The following SETBP1 variants were observed in gnomAD, a reference collection of about 807,000 sequenced individuals.
SETBP1 encodes the protein SET-binding protein.
SETBP1 carries 9 observed loss-of-function variants against 101.0 expected under a neutral mutation model. The observed-to-expected ratio is 0.09, with a 90% CI of 0.05 to 0.16. The LOEUF (loss-of-function observed/expected upper bound fraction) is 0.16. SETBP1 is among the 10% of genes least tolerant of loss of function. The pLI, the probability that SETBP1 is intolerant of heterozygous loss-of-function variation, is 1.00. For missense variants in SETBP1, 1,858 were observed against 2,033.8 expected (o/e 0.91, Z 1.66); for synonymous variants, 818 against 788.5 (o/e 1.04, Z -0.63).
chr18:44,982,730 T>A (rs943035846), intron 4 of SETBP1, among the ~76,000 whole-genome samples: 1 of 152,224 alleles, frequency 6.6e-6, no homozygotes, highest in African/African-American at 2.4e-5. Flanking sequence ...TTTCTGCTGG[T>A]TTATGAAGGC....
intron 2 of SETBP1, among the ~76,000 whole-genome samples, chr18:44,848,839 G>A (rs2072786248): frequency 6.6e-6 from 1 of 152,190 alleles, no homozygotes; most frequent in African/African-American, 2.4e-5. Flanking sequence ...CAAGGATGGG[G>A]CCAGAGGTCA....
At chr18:44,891,344 T>C (rs532645108) in intron 3 of SETBP1, among the ~76,000 whole-genome samples, 25 of 152,160 alleles carry the variant, frequency 1.6e-4, no homozygotes, top group Admixed American at 7.9e-4. Context: ...GAAGCACTCA[T>C]ATATTTGATC....
intron 4 of SETBP1, among the ~76,000 whole-genome samples, chr18:44,954,329 T>TAAA (rs5824565): frequency 0.027 from 1,918 of 71,538 alleles, 100 homozygotes; most frequent in African/African-American, 0.097. Context: ...TTGCAGAAGC[T>TAAA]AAAAAAAAAA....
chr18:44,986,992 CATTATT>C (rs1329850674), intron 4 of SETBP1: 1 of 151,656 alleles, frequency 6.6e-6, no homozygotes, highest in South Asian at 2.1e-4. Context: ...CGTTTATTAT[CATTATT>C]AAGTATTATG....
intron 2 of SETBP1, among the ~76,000 whole-genome samples, chr18:44,803,966 A>T (rs1450505487): frequency 6.6e-6 from 1 of 151,848 alleles, no homozygotes. Flanking sequence ...TATTGGAACT[A>T]TTTTTTTTCT....
chr18:44,855,018 C>T (rs1274457251), intron 2 of SETBP1, among the ~76,000 whole-genome samples: 1 of 152,182 alleles, frequency 6.6e-6, no homozygotes, highest in Non-Finnish European at 1.5e-5. Context: ...TTGCTCTTCT[C>T]CCAAATACCA....
intron 4 of SETBP1, among the ~76,000 whole-genome samples, chr18:45,007,994 C>G (rs1262664186): frequency 6.6e-6 from 1 of 152,164 alleles, no homozygotes; most frequent in Non-Finnish European, 1.5e-5. Context: ...TTCTTCAGAG[C>G]TCCTGAGATA....
intron 2 of SETBP1, among the ~76,000 whole-genome samples, chr18:44,792,862 A>G (rs1191762635): frequency 1.3e-5 from 2 of 150,142 alleles, no homozygotes; most frequent in African/African-American, 2.4e-5. Context: ...ATCTAGGAGA[A>G]AAAAAAAAAA....
intron 2 of SETBP1, among the ~76,000 whole-genome samples, chr18:44,724,525 T>C (rs1268111982): frequency 6.6e-6 from 1 of 152,146 alleles, no homozygotes; most frequent in Non-Finnish European, 1.5e-5. Flanking sequence ...ATATGTTAAT[T>C]TTTCTGAGCA....
intron 4 of SETBP1, among the ~76,000 whole-genome samples, chr18:45,025,433 T>G (rs1465475663): frequency 6.6e-6 from 1 of 152,232 alleles, no homozygotes; most frequent in Non-Finnish European, 1.5e-5. Context: ...ATCATGGTAT[T>G]AGCTTGTCTG....
chr18:44,831,208 T>C (rs960875900), intron 2 of SETBP1, among the ~76,000 whole-genome samples: 1 of 152,210 alleles, frequency 6.6e-6, no homozygotes, highest in Non-Finnish European at 1.5e-5. Flanking sequence ...TAGTGTAGCA[T>C]AGACAGTGAG....
chr18:44,775,244 A>C (rs1372069430), intron 2 of SETBP1, among the ~76,000 whole-genome samples: 1 of 152,216 alleles, frequency 6.6e-6, no homozygotes, highest in African/African-American at 2.4e-5. Flanking sequence ...TACACTGACA[A>C]AGTTGAATAA....
At chr18:44,871,525 G>A (rs1392289947) in intron 3 of SETBP1, 1 of 152,206 alleles carries the variant, frequency 6.6e-6, no homozygotes, top group Non-Finnish European at 1.5e-5. Context: ...CTTGAATGTA[G>A]AGGTTTTCTG....
rs2073925873 is a variant in SETBP1 at position 45,063,550 on chromosome 18, C to A, written c.4643C>A (p.Pro1548His). ...CCGCCACCCCCTCTACCCAAGACCC[C>A]CCGAGGCGGAAAGAGGAAACACAAA... ...LPPPPPLPKT[P>H]RGGKRKHKPQ... Residue 1548 changes from proline to histidine, a missense_variant, in exon 6 of 6, where the codon CCC becomes CAC. Transcript: ENST00000649279. 3 of 1,495,396 alleles carry A rather than the reference C, an allele frequency of 2.0e-6. No individual in the cohort carries two copies. Among genetic ancestry groups the A allele is most frequent in the African/African-American group, 1.4e-5 (1 of 70,632 alleles). 92.6% of individuals were successfully genotyped at this position (1,495,396 alleles called of 1,614,324 possible). A position where few individuals can be genotyped will look rare whatever the true frequency, so the allele number is the denominator to read the frequency against.
chr18:44,751,339 TGA>T (rs2070376382), intron 2 of SETBP1, among the ~76,000 whole-genome samples: 1 of 152,168 alleles, frequency 6.6e-6, no homozygotes, highest in African/African-American at 2.4e-5. Context: ...GACAAGATTT[TGA>T]GAGAGTTTGA....
At chr18:44,728,634 G>A (rs2069766584) in intron 2 of SETBP1, among the ~76,000 whole-genome samples, 1 of 152,222 alleles carries the variant, frequency 6.6e-6, no homozygotes, top group Non-Finnish European at 1.5e-5. Flanking sequence ...ATAAAATAAT[G>A]TATCAAATTC....
At chr18:44,747,610 G>C (rs1186589722) in intron 2 of SETBP1, among the ~76,000 whole-genome samples, 1 of 152,236 alleles carries the variant, frequency 6.6e-6, no homozygotes, top group African/African-American at 2.4e-5. Flanking sequence ...TGATGCCTCT[G>C]TCTGTTTCCT....
intron 2 of SETBP1, among the ~76,000 whole-genome samples, chr18:44,787,866 A>AAAAAAAAAAAATAAAATAAAAT (rs1175806224): frequency 8.2e-6 from 1 of 121,774 alleles, no homozygotes; most frequent in African/African-American, 3.0e-5. Flanking sequence ...GTCTCAAAAA[A>AAAAAAAAAAAATAAAATAAAAT]AAAAAAAAAA....
chr18:45,050,991 G>T (rs1176881672), intron 5 of SETBP1, among the ~76,000 whole-genome samples: 1 of 152,210 alleles, frequency 6.6e-6, no homozygotes, highest in Admixed American at 6.5e-5. Flanking sequence ...AGTTGCCAGA[G>T]TTAAGTGATT....
Sources: allele counts gnomAD v4.1 joint callset (sites outside exome capture counted in the v4.1 genomes callset), GRCh38; gene constraint gnomAD v4.1.1; transcripts MANE v1.5; gene names NCBI Gene and HGNC (gene_info 2026-07-23, HGNC 2026-07-21).